The following KCNIP1 variants were observed in gnomAD, a reference collection of about 807,000 sequenced individuals.
The protein encoded by KCNIP1 is potassium voltage-gated channel interacting protein 1, also known as A-type potassium channel modulatory protein KCNIP1.
KCNIP1 carries 18 observed loss-of-function variants against 33.0 expected under a neutral mutation model. That is an observed-to-expected ratio of 0.55 (90% CI 0.38 to 0.81). The LOEUF (loss-of-function observed/expected upper bound fraction) is 0.81. Ranked by LOEUF, KCNIP1 falls within the 30% of genes least tolerant of loss-of-function variation. KCNIP1 has a pLI of 0.00. For synonymous variants in KCNIP1, 93 were observed against 98.3 expected, an observed-to-expected ratio of 0.95 and a Z score of 0.32; for missense variants, 238 against 271.6, an observed-to-expected ratio of 0.88 and a Z score of 0.87.
intron 1 of KCNIP1, among the ~76,000 whole-genome samples, chr5:170,676,203 AAAGGAAAGGAAAGGAAAG>A (rs1762137381): frequency 9.5e-5 from 14 of 146,814 alleles, no homozygotes; most frequent in Admixed American, 7.6e-4. Context: ...AAAGGAAAGG[AAAGGAAAGGAAAGGAAAG>A]GATTACAGGT....
intron 1 of KCNIP1, among the ~76,000 whole-genome samples, chr5:170,534,624 TC>T (rs1237784533): frequency 6.6e-6 from 1 of 151,290 alleles, no homozygotes; most frequent in Admixed American, 6.6e-5. Context: ...CTCAAGTGAT[TC>T]CCCCCACCTC....
intron 1 of KCNIP1, among the ~76,000 whole-genome samples, chr5:170,711,857 C>T (rs927086324): frequency 2.6e-5 from 4 of 151,872 alleles, no homozygotes; most frequent in Non-Finnish European, 5.9e-5. Context: ...CAATGGATGC[C>T]CACCTATACG....
At chr5:170,402,304 T>A (rs1237318001) in intron 1 of KCNIP1, among the ~76,000 whole-genome samples, 11 of 152,238 alleles carry the variant, frequency 7.2e-5, no homozygotes, top group Non-Finnish European at 4.4e-5. Flanking sequence ...CAAGTCACTA[T>A]ACTCATCTTA....
intron 5 of KCNIP1, among the ~76,000 whole-genome samples, chr5:170,731,193 T>C (rs759346178): frequency 3.3e-5 from 5 of 152,186 alleles, no homozygotes; most frequent in Non-Finnish European, 7.3e-5. Context: ...TGATCAAGGT[T>C]AACATTATCA....
At chr5:170,446,889 G>A (rs1200758820) in intron 1 of KCNIP1, among the ~76,000 whole-genome samples, 1 of 152,194 alleles carries the variant, frequency 6.6e-6, no homozygotes, top group African/African-American at 2.4e-5. Flanking sequence ...AAAGACTTGT[G>A]AACCTGCTCC....
intron 1 of KCNIP1, among the ~76,000 whole-genome samples, chr5:170,479,324 C>T (rs1174086580): frequency 1.3e-5 from 2 of 152,214 alleles, no homozygotes; most frequent in South Asian, 2.1e-4. Flanking sequence ...AAAGATCCCC[C>T]TCAATTATCC....
At chr5:170,390,929 G>A (rs1754566357) in intron 1 of KCNIP1, among the ~76,000 whole-genome samples, 1 of 152,184 alleles carries the variant, frequency 6.6e-6, no homozygotes, top group Middle Eastern at 3.4e-3. Context: ...CAGCAGGCGC[G>A]AAATGAAGGC....
chr5:170,443,508 C>G (rs1305172670), intron 1 of KCNIP1, among the ~76,000 whole-genome samples: 1 of 152,202 alleles, frequency 6.6e-6, no homozygotes, highest in African/African-American at 2.4e-5. Context: ...TATGCAAGAA[C>G]AGGTAGAATG....
intron 1 of KCNIP1, among the ~76,000 whole-genome samples, chr5:170,510,201 CATAGCTGCTGCTGCTTCCCTTAACTACA>C (rs1264564341): frequency 6.6e-6 from 1 of 152,214 alleles, no homozygotes; most frequent in African/African-American, 2.4e-5. Flanking sequence ...TCTCTTTCCC[CATAGCTGCTGCTGCTTCCCTTAACTACA>C]ATTCTGAACA....
At chr5:170,480,215 G>A (rs746388342) in intron 1 of KCNIP1, among the ~76,000 whole-genome samples, 8 of 152,108 alleles carry the variant, frequency 5.3e-5, no homozygotes, top group African/African-American at 9.7e-5. Flanking sequence ...CAATGCGATC[G>A]TTTCCTAGGA....
At chr5:170,625,629 A>G (rs1759792783) in intron 1 of KCNIP1, among the ~76,000 whole-genome samples, 1 of 151,994 alleles carries the variant, frequency 6.6e-6, no homozygotes, top group Non-Finnish European at 1.5e-5. Flanking sequence ...AATCAATCCC[A>G]CTTTCCCTCG....
At chr5:170,658,046 A>C (rs1445286463) in intron 1 of KCNIP1, among the ~76,000 whole-genome samples, 2 of 152,162 alleles carry the variant, frequency 1.3e-5, no homozygotes, top group Non-Finnish European at 2.9e-5. Context: ...CCTGAGTTGA[A>C]CCTAATGGAA....
intron 1 of KCNIP1, among the ~76,000 whole-genome samples, chr5:170,651,414 C>T (rs1561742601): frequency 6.6e-6 from 1 of 152,180 alleles, no homozygotes; most frequent in Non-Finnish European, 1.5e-5. Context: ...AAACTTGGGC[C>T]TAATAAGAAG....
chr5:170,563,424 G>C (rs1271763746), intron 1 of KCNIP1, among the ~76,000 whole-genome samples: 1 of 152,108 alleles, frequency 6.6e-6, no homozygotes, highest in African/African-American at 2.4e-5. Context: ...CTCACACACA[G>C]GGCTTCCTCT....
intron 1 of KCNIP1, among the ~76,000 whole-genome samples, chr5:170,405,810 C>A (rs1259018911): frequency 6.6e-6 from 1 of 152,202 alleles, no homozygotes; most frequent in Non-Finnish European, 1.5e-5. Flanking sequence ...GGTGGTATCA[C>A]AGACGAGCTC....
chr5:170,479,709 C>T (rs116723224), intron 1 of KCNIP1, among the ~76,000 whole-genome samples: 2,041 of 152,278 alleles, frequency 0.013, 46 homozygotes, highest in African/African-American at 0.046. Flanking sequence ...GGAATCTTGG[C>T]TGTGATGCAT....
chr5:170,415,156 G>C (rs959548537), intron 1 of KCNIP1, among the ~76,000 whole-genome samples: 1 of 152,046 alleles, frequency 6.6e-6, no homozygotes, highest in East Asian at 1.9e-4. Context: ...GATAACCCAC[G>C]AGGACGTTGT....
At chr5:170,619,901 C>T (rs537271019) in intron 1 of KCNIP1, among the ~76,000 whole-genome samples, 29 of 152,226 alleles carry the variant, frequency 1.9e-4, no homozygotes, top group African/African-American at 7.0e-4. Flanking sequence ...ATCCCCCAAT[C>T]ACAGCTCTCC....
chr5:170,494,534 T>C (rs935497050), intron 1 of KCNIP1, among the ~76,000 whole-genome samples: 1 of 152,092 alleles, frequency 6.6e-6, no homozygotes, highest in Non-Finnish European at 1.5e-5. Flanking sequence ...GCCCAGGTAA[T>C]AATTGCTACA....
Sources: gnomAD v4.1 joint callset for allele counts (sites outside exome capture counted in the v4.1 genomes callset) on GRCh38, gnomAD v4.1.1 for gene constraint, MANE v1.5 for transcripts, NCBI Gene and HGNC (gene_info 2026-07-23, HGNC 2026-07-21) for gene names.